Variants in ZC3H18 observed in about 807,000 individuals in gnomAD.
ZC3H18 encodes zinc finger CCCH-type containing 18, also known as zinc finger CCCH domain-containing protein 18.
In ZC3H18, 8 loss-of-function variants were observed where a neutral mutation model predicts 106.1. That is an observed-to-expected ratio of 0.08 (90% CI 0.04 to 0.14). The LOEUF is 0.14. Among genes scored for constraint, ZC3H18 ranks in the 10% least tolerant of loss-of-function variants. ZC3H18 has a pLI of 1.00. For synonymous variants in ZC3H18, 635 were observed against 522.1 expected (o/e 1.22, Z -2.95); for missense variants, 1,318 against 1,278.4 (o/e 1.03, Z -0.47).
intron 8 of ZC3H18, among the ~76,000 whole-genome samples, chr16:88,620,131 G>A (rs945456260): frequency 3.3e-5 from 5 of 152,180 alleles, no homozygotes; most frequent in South Asian, 2.1e-4. Flanking sequence ...TTTGCCAGCC[G>A]GTTGGTTAAA....
At chr16:88,601,828 A>T (rs8061641) in intron 6 of ZC3H18, among the ~76,000 whole-genome samples, 6,479 of 151,426 alleles carry the variant, frequency 0.043, 189 homozygotes, top group Non-Finnish European at 0.065. Flanking sequence ...GTGAGTCAGG[A>T]CCTCTGGGAA....
rs118020826 is a variant in ZC3H18 at position 88,600,581 on chromosome 16, G to A, written c.1088+633G>A. ...GGTGTCTGCTACCACACCCAACTCA[G>A]TTTTGTGTTTTTAGTAGAGATGGAT... On this transcript the variant is annotated intron_variant, in intron 6 of 17. Transcript: ENST00000301011. Among the ~76,000 whole-genome samples, 768 of 152,240 alleles carry A rather than the reference G, an allele frequency of 5.0e-3. 3 individuals carry two copies. The highest frequency in any genetic ancestry group is 9.1e-3 in the Non-Finnish European group (619 of 68,006).
chr16:88,628,122 G>A lies in ZC3H18; in HGVS notation c.2469+3G>A. On this transcript the variant is annotated splice_donor_region_variant and intron_variant, in intron 15 of 17. Transcript: ENST00000301011. ...TCAAGTTGACACTGTTGAATAAGGTGAGGGCAAGGGCCCTCCTGGTGGCTG... is the reference window on the plus strand; with the variant it reads ...TCAAGTTGACACTGTTGAATAAGGTAAGGGCAAGGGCCCTCCTGGTGGCTG... The A allele has an allele frequency of 6.2e-7, 1 of 1,612,302 alleles. No homozygotes were observed. The highest frequency in any genetic ancestry group is 8.5e-7 in the Non-Finnish European group (1 of 1,178,750).
chr16:88,614,924 G>A (rs150341955), intron 8 of ZC3H18, among the ~76,000 whole-genome samples: 2,835 of 152,146 alleles, frequency 0.019, 35 homozygotes, highest in Non-Finnish European at 0.027. Context: ...CAGATGGGCT[G>A]CCCCCATTTC....
intron 3 of ZC3H18, among the ~76,000 whole-genome samples, chr16:88,597,019 C>T (rs1295658094): frequency 6.6e-6 from 1 of 152,192 alleles, no homozygotes; most frequent in Non-Finnish European, 1.5e-5. Flanking sequence ...CTCCTGGGTT[C>T]ACGCCATTCT....
At chr16:88,589,681 A>G (rs1394668119) in intron 3 of ZC3H18, among the ~76,000 whole-genome samples, 1 of 152,190 alleles carries the variant, frequency 6.6e-6, no homozygotes, top group Admixed American at 6.5e-5. Context: ...GACAGAAAGT[A>G]GATTGTGACT....
rs1158702011 is a variant in ZC3H18, at chr16:88,623,944, G to A, written c.1794-14G>A. ...CCCCCAGGCCCCTTCCGACACCTTT[G>A]TTCACTCCCCTAGGTCCCGGTCCTT... On this transcript the variant is annotated splice_polypyrimidine_tract_variant and intron_variant, in intron 10 of 17. Transcript: ENST00000301011. 5 of 1,604,396 alleles carry A rather than the reference G, an allele frequency of 3.1e-6. No homozygotes were observed. Among genetic ancestry groups the A allele is most frequent in the Non-Finnish European group, 4.3e-6 (5 of 1,173,582 alleles).
intron 16 of ZC3H18, among the ~76,000 whole-genome samples, chr16:88,629,836 C>T (rs1233943739): frequency 6.6e-6 from 1 of 152,230 alleles, no homozygotes; most frequent in Non-Finnish European, 1.5e-5. Flanking sequence ...CGCACAGACA[C>T]TCCCAGACAC....
At chr16:88,579,355 G>T (rs1413979157) in intron 2 of ZC3H18, among the ~76,000 whole-genome samples, 1 of 152,136 alleles carries the variant, frequency 6.6e-6, no homozygotes, top group African/African-American at 2.4e-5. Flanking sequence ...AGCCCTGTCT[G>T]CACCACCACT....
At chr16:88,585,083 GACC>G (rs1444497221) in intron 2 of ZC3H18, among the ~76,000 whole-genome samples, 19 of 152,204 alleles carry the variant, frequency 1.2e-4, no homozygotes, top group Non-Finnish European at 2.6e-4. Context: ...CAAACTAAAA[GACC>G]AGAGAAGAGA....
Position 88,631,080 on chromosome 16 carries a change from G to T in ZC3H18, c.2664-21G>T, listed in dbSNP as rs946345349. The T allele has an allele frequency of 8.1e-6, 13 of 1,610,594 alleles. No individual in the cohort carries two copies. The African/African-American group carries it at 1.3e-4, about 17-fold the overall frequency. On this transcript the variant is annotated intron_variant, in intron 17 of 17. Coordinates refer to ENST00000301011, the MANE Select transcript of ZC3H18 (RefSeq NM_144604.4). The stretch of plus-strand genomic sequence containing the variant: ...CAGACGTGGCTTCTGGGGGCTCAAG[G>T]TCTTCCCCACCCCCTTGTAGGAAGC...
chr16:88,619,623 G>A (rs1905836904), intron 8 of ZC3H18, among the ~76,000 whole-genome samples: 1 of 152,190 alleles, frequency 6.6e-6, no homozygotes, highest in African/African-American at 2.4e-5. Context: ...CTGAGATTGT[G>A]GAGGCCTGCA....
intron 10 of ZC3H18, 138 bp from the exon 11 acceptor site, chr16:88,623,820 C>A: frequency 2.1e-6 from 3 of 1,418,714 alleles, no homozygotes; most frequent in Non-Finnish European, 2.8e-6. Context: ...ACAGAACAGT[C>A]CAGAACTGAA....
At chr16:88,585,133 C>G (rs1395482338) in intron 2 of ZC3H18, among the ~76,000 whole-genome samples, 1 of 152,134 alleles carries the variant, frequency 6.6e-6, no homozygotes, top group Non-Finnish European at 1.5e-5. Flanking sequence ...AACATGCCTT[C>G]TCTGATCATT....
chr16:88,617,363 T>C (rs2142778219), intron 8 of ZC3H18, among the ~76,000 whole-genome samples: 2 of 152,294 alleles, frequency 1.3e-5, no homozygotes, highest in Middle Eastern at 3.4e-3. Flanking sequence ...TACCCACTCC[T>C]CCACCTGGGC....
At chr16:88,620,261 TCACAGTAA>T (rs1378894964) in intron 8 of ZC3H18, among the ~76,000 whole-genome samples, 1 of 152,232 alleles carries the variant, frequency 6.6e-6, no homozygotes, top group African/African-American at 2.4e-5. Flanking sequence ...AGAATCCCAC[TCACAGTAA>T]CACAGGAACT....
At chr16:88,615,567 A>G (rs888984855) in intron 8 of ZC3H18, among the ~76,000 whole-genome samples, 5 of 152,230 alleles carry the variant, frequency 3.3e-5, no homozygotes, top group Non-Finnish European at 7.3e-5. Flanking sequence ...CTAAAATTGC[A>G]CATTGATTTC....
chr16:88,591,388 C>T (rs1915743878), intron 3 of ZC3H18, among the ~76,000 whole-genome samples: 1 of 152,166 alleles, frequency 6.6e-6, no homozygotes, highest in Non-Finnish European at 1.5e-5. Flanking sequence ...GACTGCTCAA[C>T]ATGGTGAAAC....
chr16:88,594,584 T>C (rs374266141), intron 3 of ZC3H18, among the ~76,000 whole-genome samples: 2 of 152,252 alleles, frequency 1.3e-5, no homozygotes, highest in African/African-American at 4.8e-5. Context: ...TCCCTTTCTG[T>C]AGTTACATTG....
Sources: gnomAD v4.1 joint callset for allele counts (sites outside exome capture counted in the v4.1 genomes callset) on GRCh38, gnomAD v4.1.1 for gene constraint, MANE v1.5 for transcripts, NCBI Gene and HGNC (gene_info 2026-07-23, HGNC 2026-07-21) for gene names.